Variants in NLRP14 observed in about 807,000 individuals in gnomAD.
The protein encoded by NLRP14 is NACHT, LRR and PYD domains-containing protein 14.
In NLRP14, 105 loss-of-function variants were observed where a neutral mutation model predicts 94.7. The observed-to-expected ratio is 1.11, with a 90% CI of 0.95 to 1.30. The LOEUF (loss-of-function observed/expected upper bound fraction) is 1.30, where lower values mean the gene tolerates loss of function less well. Among genes scored for constraint, NLRP14 ranks in the 50% most tolerant of loss-of-function variants. The probability of loss-of-function intolerance (pLI) is 0.00; values close to 1 mark genes in which losing one functional copy is unlikely to be tolerated. For missense variants in NLRP14, 1,362 were observed against 1,254.1 expected (o/e 1.09, Z -1.30); for synonymous variants, 508 against 459.9 (o/e 1.10, Z -1.34).
chr11:7,043,711 A>G lies in NLRP14; in HGVS notation c.1685A>G (p.Gln562Arg). The G allele has an allele frequency of 6.2e-7, 1 of 1,614,016 alleles. No individual in the cohort carries two copies. The highest frequency in any genetic ancestry group is 8.5e-7 in the Non-Finnish European group (1 of 1,179,856). Residue 562 changes from glutamine to arginine, a missense_variant, in exon 4 of 12, where the codon CAG becomes CGG. Physicochemically the swap from Gln to Arg is conservative, Grantham distance 43 (BLOSUM62 1). Coordinates refer to ENST00000299481, the MANE Select transcript of NLRP14 (RefSeq NM_176822.4). The stretch of plus-strand genomic sequence containing the variant: ...CTGAAGATAAAATCAAAGTTACTTC[A>G]GTGTATGGAAGTATTAGGAAACAGT... Reference protein sequence around the residue: ...MSLKIKSKLLQCMEVLGNSDY... With the variant: ...MSLKIKSKLLRCMEVLGNSDY...
At position 7,043,377 on chromosome 11, in the gene NLRP14, G is replaced by A. The variant is rs751270530; in HGVS notation, c.1351G>A (p.Gly451Arg). Reference sequence around the variant, plus strand: ...TTACAGAGAAAATCTCAGAAGGCTTGGGTTAACTCAATCTGATGTCTCTAG... The same window carrying A: ...TTACAGAGAAAATCTCAGAAGGCTTAGGTTAACTCAATCTGATGTCTCTAG... ...VFYRENLRRL[G>R]LTQSDVSSFM... is the part of the protein sequence containing the mutation. The change falls in exon 4 of 12, where the codon GGG becomes AGG. Residue 451 changes from glycine (G) to arginine (R), a missense_variant. Transcript: ENST00000299481. The A allele has an allele frequency of 8.1e-6, 13 of 1,614,164 alleles. No individual in the cohort carries two copies. Among genetic ancestry groups the A allele is most frequent in the Non-Finnish European group, 1.1e-5 (13 of 1,180,026 alleles).
At chr11:7,048,253 T>A (rs912449230) in intron 5 of NLRP14, among the ~76,000 whole-genome samples, 2 of 152,236 alleles carry the variant, frequency 1.3e-5, no homozygotes, top group African/African-American at 4.8e-5. Context: ...GGGTAATCTT[T>A]GCCAACATTA....
the NLRP14 span, among the ~76,000 whole-genome samples, chr11:7,082,197 C>T: frequency 6.6e-6 from 1 of 152,188 alleles, no homozygotes; most frequent in Non-Finnish European, 1.5e-5. Flanking sequence ...AAAGGATCAT[C>T]TGTCTGAGCA....
chr11:7,037,079 A>G (rs940757586), intron 1 of NLRP14, among the ~76,000 whole-genome samples: 1 of 152,236 alleles, frequency 6.6e-6, no homozygotes, highest in Non-Finnish European at 1.5e-5. Context: ...GCAGATTTCT[A>G]GAAAGGAAGC....
At chr11:7,028,131 C>G (rs2119557087) in intron 1 of NLRP14, among the ~76,000 whole-genome samples, 1 of 152,262 alleles carries the variant, frequency 6.6e-6, no homozygotes, top group Middle Eastern at 3.4e-3. Flanking sequence ...ACTGCTCAGA[C>G]TTTGAATTCT....
the NLRP14 span, among the ~76,000 whole-genome samples, chr11:7,088,633 CTG>C: frequency 6.6e-6 from 1 of 152,030 alleles, no homozygotes; most frequent in Non-Finnish European, 1.5e-5. Flanking sequence ...AACTTGTTAA[CTG>C]TTATTACTCT....
chr11:7,084,276 A>G, the NLRP14 span, among the ~76,000 whole-genome samples: 1 of 152,206 alleles, frequency 6.6e-6, no homozygotes, highest in African/African-American at 2.4e-5. Context: ...CTATTTTGAC[A>G]TAAGAAATAT....
At chr11:7,058,247 T>C (rs982362523) in intron 7 of NLRP14, 33 bp from the exon 8 acceptor site, 5 of 1,591,814 alleles carry the variant, frequency 3.1e-6, no homozygotes, top group Non-Finnish European at 1.7e-6. Context: ...CTTTGGGAAT[T>C]GACAGATCTC....
rs1197424483 is a variant in NLRP14 at position 7,020,686 on chromosome 11, G to T, written c.-106G>T. ...TGTCAGGTCGCCTTTGGTTGGCAAGGCGTGGTTGTCCTCGCTGTCCCGCGC... is the reference window on the plus strand; with the variant it reads ...TGTCAGGTCGCCTTTGGTTGGCAAGTCGTGGTTGTCCTCGCTGTCCCGCGC... On this transcript the variant is annotated 5_prime_UTR_variant, in exon 1 of 12. Transcript: ENST00000299481. 1.3e-5 allele frequency: 2 copies of T among 152,382 alleles called. No homozygotes were observed. Among genetic ancestry groups the T allele is most frequent in the Admixed American group, 1.3e-4 (2 of 15,294 alleles). The allele number at this position is 152,382 out of a possible 1,614,324, so 9.4% of individuals were successfully genotyped here.
the NLRP14 span, among the ~76,000 whole-genome samples, chr11:7,080,572 C>A: frequency 6.6e-6 from 1 of 152,184 alleles, no homozygotes; most frequent in East Asian, 1.9e-4. Flanking sequence ...AGAAACAATT[C>A]TCCATAGTAC....
At chr11:7,089,040 T>A in the NLRP14 span, 1 of 1,509,552 alleles carries the variant, frequency 6.6e-7, no homozygotes, top group Non-Finnish European at 9.0e-7. Flanking sequence ...GGAGCCGCCC[T>A]CGACGAGCGA....
At chr11:7,058,203 C>T in intron 7 of NLRP14, 77 bp from the exon 8 acceptor site, 1 of 1,267,780 alleles carries the variant, frequency 7.9e-7, no homozygotes, top group Non-Finnish European at 1.1e-6. Context: ...ATAAGTGCCA[C>T]TGATTTCCCT....
intron 1 of NLRP14, among the ~76,000 whole-genome samples, chr11:7,036,447 C>G (rs1325271634): frequency 6.6e-6 from 1 of 151,848 alleles, no homozygotes; most frequent in Non-Finnish European, 1.5e-5. Flanking sequence ...CAAAGGGACA[C>G]CCAGAAAGGA....
the NLRP14 span, among the ~76,000 whole-genome samples, chr11:7,083,832 G>A: frequency 6.6e-6 from 1 of 152,130 alleles, no homozygotes; most frequent in African/African-American, 2.4e-5. Context: ...GTACCAATGT[G>A]TTCTACCTTA....
At chr11:7,078,471 T>C in the NLRP14 span, among the ~76,000 whole-genome samples, 4 of 45,336 alleles carry the variant, frequency 8.8e-5, no homozygotes, top group African/African-American at 2.6e-4. Context: ...AACAAAAAAA[T>C]TGAATTAGAT....
chr11:7,090,066 C>T, the NLRP14 span: 4 of 1,612,946 alleles, frequency 2.5e-6, no homozygotes, highest in South Asian at 2.2e-5. Flanking sequence ...GGGCTACTCA[C>T]CCGATGCCTA....
At chr11:7,058,582 A>G in intron 8 of NLRP14, 132 bp downstream of exon 8, 1 of 704,640 alleles carries the variant, frequency 1.4e-6, no homozygotes. Context: ...GGTGAAAGTG[A>G]TATTAATAAT....
At chr11:7,030,467 C>T (rs1192070057) in intron 1 of NLRP14, among the ~76,000 whole-genome samples, 1 of 152,162 alleles carries the variant, frequency 6.6e-6, no homozygotes, top group Non-Finnish European at 1.5e-5. Context: ...CTGCAAATAT[C>T]GCCTTAGCAG....
chr11:7,056,515 C>CAAAAAAAAAAA (rs60703550), intron 6 of NLRP14, among the ~76,000 whole-genome samples: 9 of 122,792 alleles, frequency 7.3e-5, no homozygotes, highest in East Asian at 2.4e-4. Context: ...AGCACTAATA[C>CAAAAAAAAAAA]AAAAAAAAAA....
Sources: gnomAD v4.1 joint callset for allele counts (sites outside exome capture counted in the v4.1 genomes callset) on GRCh38, gnomAD v4.1.1 for gene constraint, MANE v1.5 for transcripts, NCBI Gene and HGNC (gene_info 2026-07-23, HGNC 2026-07-21) for gene names.